The following CNTNAP3 variants were observed in gnomAD, a reference collection of about 807,000 sequenced individuals.
The protein encoded by CNTNAP3 is contactin associated protein family member 3.
A neutral mutation model predicts 92.1 loss-of-function variants in CNTNAP3; 36 were observed. That is an observed-to-expected ratio of 0.39 (90% CI 0.30 to 0.52). The LOEUF (loss-of-function observed/expected upper bound fraction) is 0.52. Ranked by LOEUF, CNTNAP3 falls within the 20% of genes least tolerant of loss-of-function variation. The pLI, the probability that CNTNAP3 is intolerant of heterozygous loss-of-function variation, is 0.76. For missense variants in CNTNAP3, 534 were observed against 1,069.6 expected, an observed-to-expected ratio of 0.50 and a Z score of 6.98; for synonymous variants, 232 against 422.3, an observed-to-expected ratio of 0.55 and a Z score of 5.53.
rs1191185490 is a variant in CNTNAP3 at position 39,134,924 on chromosome 9, G to A, written c.1877-1789C>T. ...ACAATGGGAGAGAAATGATGGTCCAGAGTAGTTCACATAGGCCGGTGGGCA... is the reference window on the plus strand; with the variant it reads ...ACAATGGGAGAGAAATGATGGTCCAAAGTAGTTCACATAGGCCGGTGGGCA... On this transcript the variant is annotated intron_variant, in intron 12 of 23. Coordinates refer to ENST00000297668, the MANE Select transcript of CNTNAP3 (RefSeq NM_033655.5). Among the ~76,000 whole-genome samples, 7 of 152,326 alleles carry A rather than the reference G, an allele frequency of 4.6e-5. No homozygotes were observed. In the South Asian group the frequency reaches 1.5e-3, roughly 32 times the overall value.
chr9:39,102,352 G>A (rs1826483565), intron 17 of CNTNAP3, 145 bp downstream of exon 17: 1 of 1,372,420 alleles, frequency 7.3e-7, no homozygotes, highest in South Asian at 1.3e-5. Flanking sequence ...GCAAGCTCCT[G>A]GAACCTACCA....
chr9:39,113,331 T>C (rs1337027307), intron 14 of CNTNAP3, among the ~76,000 whole-genome samples: 1 of 152,188 alleles, frequency 6.6e-6, no homozygotes, highest in Non-Finnish European at 1.5e-5. Flanking sequence ...AATTTTGTAA[T>C]TTTTTCCATA....
intron 15 of CNTNAP3, among the ~76,000 whole-genome samples, chr9:39,105,860 T>G (rs1297478217): frequency 7.4e-6 from 1 of 134,326 alleles, no homozygotes; most frequent in East Asian, 2.3e-4. Flanking sequence ...TATCTCTCTC[T>G]CTCTCTCTCA....
At chr9:39,122,514 C>G (rs2117991653) in intron 13 of CNTNAP3, among the ~76,000 whole-genome samples, 1 of 152,300 alleles carries the variant, frequency 6.6e-6, no homozygotes, top group East Asian at 1.9e-4. Flanking sequence ...AAGACAGAGT[C>G]TCTGGGAAAA....
At chr9:39,087,256 G>T (rs1056961273) in intron 19 of CNTNAP3, among the ~76,000 whole-genome samples, 1 of 152,142 alleles carries the variant, frequency 6.6e-6, no homozygotes, top group Admixed American at 6.5e-5. Context: ...TTCTAATAAG[G>T]CTCATTTTAA....
chr9:39,094,620 T>C (rs1826286526), intron 18 of CNTNAP3, among the ~76,000 whole-genome samples: 1 of 151,634 alleles, frequency 6.6e-6, no homozygotes, highest in Non-Finnish European at 1.5e-5. Context: ...TATTGAATGA[T>C]CTTGACAAAG....
In CNTNAP3 at chr9:39,133,061, G is replaced by C. The variant is rs1346340448; in HGVS notation, c.1951C>G (p.Pro651Ala). ...TACGCGAAGGACACAGCCGAGCGCG[G>C]GTGCCCGCTGGGGGCACCTCGGAGG... is the stretch of plus-strand genomic sequence containing the variant. Reference protein sequence around the residue: ...VTLRGAPSGHPRSAVSFAYAA... With the variant: ...VTLRGAPSGHARSAVSFAYAA... Residue 651 changes from proline to alanine, a missense_variant, in exon 13 of 24, where the codon CCG becomes GCG. By Grantham distance (27) the Pro-to-Ala change is conservative. Transcript: ENST00000297668. The C allele has an allele frequency of 1.3e-6, 2 of 1,557,258 alleles. No individual in the cohort carries two copies. Among genetic ancestry groups the C allele is most frequent in the South Asian group, 1.2e-5 (1 of 85,626 alleles).
chr9:39,140,756 T>C (rs1821556000), intron 11 of CNTNAP3, 118 bp from the exon 12 acceptor site: 1 of 1,425,244 alleles, frequency 7.0e-7, no homozygotes, highest in Non-Finnish European at 9.3e-7. Flanking sequence ...AACATCATTT[T>C]GATAGTGTAT....
intron 13 of CNTNAP3, among the ~76,000 whole-genome samples, chr9:39,130,662 G>A (rs1408968661): frequency 6.6e-6 from 1 of 152,178 alleles, no homozygotes; most frequent in Non-Finnish European, 1.5e-5. Context: ...CTGCCACCAA[G>A]CCTGGCTACT....
intron 13 of CNTNAP3, among the ~76,000 whole-genome samples, chr9:39,129,789 A>G (rs1821233062): frequency 6.6e-6 from 1 of 152,182 alleles, no homozygotes; most frequent in Non-Finnish European, 1.5e-5. Flanking sequence ...AACAGTAACA[A>G]AACAAATCCA....
intron 18 of CNTNAP3, among the ~76,000 whole-genome samples, chr9:39,094,856 G>A (rs1358497822): frequency 2.0e-5 from 3 of 151,294 alleles, no homozygotes; most frequent in African/African-American, 4.8e-5. Flanking sequence ...ATATTGATAG[G>A]GGCTTTTTCA....
chr9:39,123,012 C>G (rs56251344), intron 13 of CNTNAP3, among the ~76,000 whole-genome samples: 1 of 150,550 alleles, frequency 6.6e-6, no homozygotes, highest in African/African-American at 2.4e-5. Context: ...TTTGAAGATA[C>G]GTCAATAAAA....
chr9:39,116,162 C>CAA (rs1338780825), intron 14 of CNTNAP3, among the ~76,000 whole-genome samples: 5 of 150,710 alleles, frequency 3.3e-5, no homozygotes, highest in East Asian at 3.9e-4. Context: ...AAAACAAAAA[C>CAA]AAAACAAAAC....
chr9:39,110,355 C>CA lies in CNTNAP3; in HGVS notation c.2238-1069dup, dbSNP rs564006638. On this transcript the variant is annotated intron_variant, in intron 14 of 23. Coordinates refer to ENST00000297668, the MANE Select transcript of CNTNAP3 (RefSeq NM_033655.5). ...AGGCTGTAGTGAGCCATGTGTGCGC[C>CA]ACTGCACTCCAGCCTGGGTGGCAAA... Among the ~76,000 whole-genome samples the CA allele has an allele frequency of 2.4e-4, 37 of 152,222 alleles. No homozygotes were observed. In the East Asian group the frequency reaches 6.9e-3, roughly 29 times the overall value.
chr9:39,140,425 A>C, intron 12 of CNTNAP3, 94 bp downstream of exon 12: 1 of 1,514,992 alleles, frequency 6.6e-7, no homozygotes, highest in South Asian at 1.3e-5. Context: ...TAGCAAGTAC[A>C]CACTATCAAA....
intron 12 of CNTNAP3, among the ~76,000 whole-genome samples, chr9:39,138,445 GA>G (rs1427615084): frequency 7.2e-5 from 11 of 152,100 alleles, no homozygotes; most frequent in African/African-American, 2.7e-4. Flanking sequence ...GTTAGGCTCT[GA>G]AAACAAAAAA....
chr9:39,133,251 A>G (rs1172660616), intron 12 of CNTNAP3, 116 bp from the exon 13 acceptor site: 1 of 1,309,586 alleles, frequency 7.6e-7, no homozygotes, highest in South Asian at 1.3e-5. Context: ...ACATTACTGC[A>G]TGTTTGCCGC....
At chr9:39,120,602 G>A (rs1341465369) in intron 13 of CNTNAP3, among the ~76,000 whole-genome samples, 4 of 152,086 alleles carry the variant, frequency 2.6e-5, no homozygotes, top group Admixed American at 6.6e-5. Flanking sequence ...CCCGGGAGGC[G>A]GAGCTTGCAG....
At chr9:39,124,788 C>A (rs1357434257) in intron 13 of CNTNAP3, among the ~76,000 whole-genome samples, 2 of 152,126 alleles carry the variant, frequency 1.3e-5, no homozygotes, top group South Asian at 2.1e-4. Flanking sequence ...CAGAGAAATG[C>A]AAATCAAAAC....
Sources: gnomAD v4.1 joint callset for allele counts (sites outside exome capture counted in the v4.1 genomes callset) on GRCh38, gnomAD v4.1.1 for gene constraint, MANE v1.5 for transcripts, NCBI Gene and HGNC (gene_info 2026-07-23, HGNC 2026-07-21) for gene names.